SAMD12: variants seen among roughly 807,000 people sequenced by gnomAD.
SAMD12 encodes the protein sterile alpha motif domain containing 12.
In SAMD12, 9 loss-of-function variants were observed where a neutral mutation model predicts 15.0. That is an observed-to-expected ratio of 0.60 (90% CI 0.36 to 1.05). SAMD12 has a LOEUF of 1.05. Ranked by LOEUF, SAMD12 falls within the 50% of genes least tolerant of loss-of-function variation. The pLI is 0.01. For missense variants in SAMD12, 230 were observed against 234.2 expected (o/e 0.98, Z 0.12); for synonymous variants, 86 against 90.1 (o/e 0.96, Z 0.25).
At chr8:118,413,485 G>A (rs1221855135) in intron 3 of SAMD12, among the ~76,000 whole-genome samples, 1 of 152,072 alleles carries the variant, frequency 6.6e-6, no homozygotes, top group Non-Finnish European at 1.5e-5. Context: ...TAATGGCCTA[G>A]CTTAAATTCT....
chr8:118,315,196 C>A (rs1008785541), intron 4 of SAMD12, among the ~76,000 whole-genome samples: 5 of 152,166 alleles, frequency 3.3e-5, no homozygotes, highest in Non-Finnish European at 5.9e-5. Flanking sequence ...TTGGTGAATG[C>A]TGTTAATTTC....
intron 1 of SAMD12, among the ~76,000 whole-genome samples, chr8:118,610,154 C>CA (rs1374785727): frequency 6.6e-6 from 1 of 152,052 alleles, no homozygotes; most frequent in African/African-American, 2.4e-5. Flanking sequence ...GAGAAAACAA[C>CA]AAAAACCCAA....
intron 3 of SAMD12, among the ~76,000 whole-genome samples, chr8:118,390,610 G>A (rs1460583384): frequency 6.6e-6 from 1 of 152,154 alleles, no homozygotes; most frequent in Admixed American, 6.5e-5. Flanking sequence ...AGGACTTAAA[G>A]GTCAGCCAAC....
chr8:118,586,503 C>A (rs1442291917), intron 1 of SAMD12, among the ~76,000 whole-genome samples: 1 of 151,954 alleles, frequency 6.6e-6, no homozygotes. Flanking sequence ...CCACCACACC[C>A]AGCTAATTTT....
At chr8:118,176,054 C>T in the SAMD12 span, among the ~76,000 whole-genome samples, 5 of 152,306 alleles carry the variant, frequency 3.3e-5, no homozygotes, top group South Asian at 4.1e-4. Context: ...GCAATCCCAG[C>T]GCTTTGGGAG....
chr8:118,392,657 G>A (rs920896065), intron 3 of SAMD12, among the ~76,000 whole-genome samples: 5 of 152,182 alleles, frequency 3.3e-5, no homozygotes, highest in African/African-American at 9.7e-5. Context: ...TTTATCACAT[G>A]TCAAATTTCA....
intron 2 of SAMD12, among the ~76,000 whole-genome samples, chr8:118,535,276 G>T (rs1309020652): frequency 6.6e-6 from 1 of 152,200 alleles, no homozygotes; most frequent in Non-Finnish European, 1.5e-5. Flanking sequence ...ACTGCAGAAT[G>T]GCAAATGTTG....
intron 4 of SAMD12, among the ~76,000 whole-genome samples, chr8:118,228,490 A>C (rs941079739): frequency 2.6e-5 from 4 of 152,236 alleles, no homozygotes; most frequent in Non-Finnish European, 2.9e-5. Context: ...ATGAATAGAC[A>C]ATTCTCAAAA....
At chr8:118,442,346 G>A (rs1045513150) in intron 2 of SAMD12, among the ~76,000 whole-genome samples, 1 of 152,162 alleles carries the variant, frequency 6.6e-6, no homozygotes, top group Non-Finnish European at 1.5e-5. Context: ...TGACTTTCAC[G>A]TTCAGCCCTT....
chr8:118,178,452 GGTTTTTTTTAAATTAAAAAAAATT>G, the SAMD12 span, among the ~76,000 whole-genome samples: 3 of 152,004 alleles, frequency 2.0e-5, no homozygotes, highest in East Asian at 1.9e-4. Context: ...TCAAACACTA[GGTTTTTTTTAAATTAAAAAAAATT>G]GTTTTTTTTA....
chr8:118,434,696 T>C (rs922907882), intron 3 of SAMD12, among the ~76,000 whole-genome samples: 1 of 152,218 alleles, frequency 6.6e-6, no homozygotes, highest in Admixed American at 6.5e-5. Context: ...AGGGACAGAA[T>C]CTTGCAAGCA....
At chr8:118,338,564 C>T (rs767821118) in intron 4 of SAMD12, among the ~76,000 whole-genome samples, 2 of 152,194 alleles carry the variant, frequency 1.3e-5, no homozygotes, top group Non-Finnish European at 2.9e-5. Flanking sequence ...TACTTTTAGA[C>T]TATGAGGAAG....
chr8:118,543,175 G>A (rs942511126), intron 2 of SAMD12, among the ~76,000 whole-genome samples: 4 of 151,090 alleles, frequency 2.6e-5, no homozygotes, highest in Admixed American at 6.6e-5. Flanking sequence ...TCTGTTCCAC[G>A]CCCAGGGTCC....
chr8:118,610,757 G>T (rs1415010387), intron 1 of SAMD12, among the ~76,000 whole-genome samples: 1 of 152,180 alleles, frequency 6.6e-6, no homozygotes, highest in African/African-American at 2.4e-5. Context: ...ACTGTCTTTA[G>T]CCCTTGTGAT....
At chr8:118,409,644 G>A (rs921650768) in intron 3 of SAMD12, among the ~76,000 whole-genome samples, 21 of 152,168 alleles carry the variant, frequency 1.4e-4, no homozygotes, top group African/African-American at 5.1e-4. Flanking sequence ...ACAGGCTTAA[G>A]GTGAAGGCAG....
intron 2 of SAMD12, among the ~76,000 whole-genome samples, chr8:118,509,310 A>G (rs963836133): frequency 6.6e-6 from 1 of 152,232 alleles, no homozygotes; most frequent in Non-Finnish European, 1.5e-5. Flanking sequence ...TCTGACTCAC[A>G]GCCAAAAGAG....
At chr8:118,174,736 CA>C in the SAMD12 span, among the ~76,000 whole-genome samples, 1 of 151,958 alleles carries the variant, frequency 6.6e-6, no homozygotes, top group African/African-American at 2.4e-5. Context: ...GGATAAATTT[CA>C]AATCTACAGA....
At chr8:118,227,165 C>T (rs996510808) in intron 4 of SAMD12, among the ~76,000 whole-genome samples, 1 of 152,142 alleles carries the variant, frequency 6.6e-6, no homozygotes, top group African/African-American at 2.4e-5. Context: ...TACATACACA[C>T]CATGAAATAC....
chr8:118,385,083 A>C (rs1218655054), intron 3 of SAMD12, among the ~76,000 whole-genome samples: 2 of 152,166 alleles, frequency 1.3e-5, no homozygotes, highest in African/African-American at 4.8e-5. Context: ...TAGAAAAAGC[A>C]TGACTGTGTG....
Sources: allele counts gnomAD v4.1 joint callset (sites outside exome capture counted in the v4.1 genomes callset), GRCh38; gene constraint gnomAD v4.1.1; transcripts MANE v1.5; gene names NCBI Gene and HGNC (gene_info 2026-07-23, HGNC 2026-07-21).